The following PCM1 variants were observed in gnomAD, a reference collection of about 807,000 sequenced individuals.
PCM1 encodes the protein pericentriolar material 1 protein.
PCM1 carries 157 observed loss-of-function variants against 241.9 expected under a neutral mutation model. That is an observed-to-expected ratio of 0.65 (90% CI 0.57 to 0.74). The LOEUF is 0.74. Among genes scored for constraint, PCM1 ranks in the 30% least tolerant of loss-of-function variants. The pLI, the probability that PCM1 is intolerant of heterozygous loss-of-function variation, is 0.00. For missense variants in PCM1, 3,478 were observed against 2,360.1 expected (o/e 1.47, Z -9.81); for synonymous variants, 1,085 against 784.9 (o/e 1.38, Z -6.39).
In PCM1 at chr8:17,993,598, A is replaced by G; in HGVS notation, c.4806A>G (p.Lys1602=). ...ACCGGCAAATTAAAGCAATTATGAA[A>G]GAAGTCATTCCTTTTTTGAAGGTAA... ...QLDRQIKAIM[K]EVIPFLKEHM... Residue 1602 remains lysine (K), a synonymous_variant, in exon 29 of 39, where the codon AAA becomes AAG. Coordinates refer to ENST00000325083, the MANE Select transcript of PCM1 (RefSeq NM_006197.4). The G allele has an allele frequency of 6.3e-7, 1 of 1,590,282 alleles. No homozygotes were observed. Among genetic ancestry groups the G allele is most frequent in the Non-Finnish European group, 8.6e-7 (1 of 1,167,384 alleles).
At chr8:17,995,193 T>TA (rs2086244369) in intron 29 of PCM1, among the ~76,000 whole-genome samples, 2 of 151,512 alleles carry the variant, frequency 1.3e-5, no homozygotes, top group Admixed American at 1.3e-4. Context: ...CATTTTGATT[T>TA]GACTTTTGTA....
rs11333913 is a variant in PCM1 at position 18,029,156 on chromosome 8, CAAAAAAAA to C, written c.*1513_*1520del. On this transcript the variant is annotated 3_prime_UTR_variant, in exon 39 of 39. Transcript: ENST00000325083. ...CTGGCAACAGAGCGAGACTCTGTCT[CAAAAAAAA>C]AAAAAAAAAAAAAAAAAAGTTAACT... The C allele has an allele frequency of 1.2e-3, 70 of 56,398 alleles. 2 individuals carry two copies. The highest frequency in any genetic ancestry group is 8.0e-3 in the Admixed American group (28 of 3,496). The allele number at this position is 56,398 out of a possible 1,614,324, so 3.5% of individuals were successfully genotyped here. A position where few individuals can be genotyped will look rare whatever the true frequency, so the allele number is the denominator to read the frequency against.
rs1238446505 is a variant in PCM1, at chr8:17,953,083, A to G, written c.1185A>G (p.Glu395=). 2 of 1,604,270 alleles carry G rather than the reference A, an allele frequency of 1.2e-6. No individual in the cohort carries two copies. The highest frequency in any genetic ancestry group is 1.3e-5 in the African/African-American group (1 of 74,878). The change falls in exon 9 of 39, where the codon GAA becomes GAG. Residue 395 remains glutamate, a synonymous_variant. Transcript: ENST00000325083. ...AACGTTTACCTGATGAGAAAGTCGAACTTTTTAGCAAAATGAGAGTGCTAC... is the reference window on the plus strand; with the variant it reads ...AACGTTTACCTGATGAGAAAGTCGAGCTTTTTAGCAAAATGAGAGTGCTAC... The part of the protein sequence containing the change: ...ASERLPDEKV[E]LFSKMRVLQE...
intron 6 of PCM1, among the ~76,000 whole-genome samples, chr8:17,946,645 C>T (rs1322995073): frequency 6.6e-6 from 1 of 152,030 alleles, no homozygotes; most frequent in East Asian, 1.9e-4. Context: ...AACAGGCGCA[C>T]ACCGCCACAC....
chr8:17,969,854 T>C, intron 22 of PCM1, 106 bp downstream of exon 22: 1 of 835,754 alleles, frequency 1.2e-6, no homozygotes, highest in South Asian at 1.8e-5. Context: ...TGTGATGATT[T>C]GGCTTGATGA....
chr8:18,008,018 G>T (rs909313799), intron 30 of PCM1, among the ~76,000 whole-genome samples: 2 of 152,186 alleles, frequency 1.3e-5, no homozygotes, highest in Non-Finnish European at 2.9e-5. Context: ...CTACTTTAAA[G>T]AGAGTTTATT....
At chr8:17,983,423 ATAATT>A (rs1407178419) in intron 24 of PCM1, 28 of 331,104 alleles carry the variant, frequency 8.5e-5, no homozygotes, top group Non-Finnish European at 1.1e-5. Context: ...ATTGTAAAAG[ATAATT>A]TATATTCATA....
chr8:17,966,952 C>T (rs368383063), intron 20 of PCM1, 28 bp from the exon 21 acceptor site: 2 of 1,562,124 alleles, frequency 1.3e-6, no homozygotes, highest in South Asian at 1.2e-5. Flanking sequence ...ATAACTGATT[C>T]TTAGATTACT....
At chr8:17,992,097 T>C (rs996259547) in intron 28 of PCM1, among the ~76,000 whole-genome samples, 3 of 151,426 alleles carry the variant, frequency 2.0e-5, no homozygotes, top group African/African-American at 7.3e-5. Context: ...TATATCTGTC[T>C]ATCTACACAT....
At position 17,994,366 on chromosome 8, in the gene PCM1, A is replaced by C. The variant is rs531571327; in HGVS notation, c.4827+747A>C. ...ATGTTGTTGCAGATGACAAGGTCTC[A>C]TTATTTTTTATGGCTGAATAGTACT... On this transcript the variant is annotated intron_variant, in intron 29 of 38. Transcript: ENST00000325083. 1.1e-3 allele frequency among the ~76,000 whole-genome samples: 168 copies of C among 152,286 alleles called. 1 individual carries two copies. The highest frequency in any genetic ancestry group is 3.8e-3 in the African/African-American group (160 of 41,568).
At chr8:18,014,466 CT>C in intron 35 of PCM1, 117 bp from the exon 36 acceptor site, 2 of 771,482 alleles carry the variant, frequency 2.6e-6, no homozygotes. Flanking sequence ...GTTGCCTTTT[CT>C]TTTTGGTCTT....
At position 17,953,069 on chromosome 8, in the gene PCM1, G is replaced by A. The variant is rs988174672; in HGVS notation, c.1171G>A (p.Asp391Asn). The stretch of plus-strand genomic sequence containing the variant: ...ACCATCAGCTTCAGAACGTTTACCT[G>A]ATGAGAAAGTCGAACTTTTTAGCAA... ...RKPSASERLPDEKVELFSKMR... is the reference protein window; with the variant it reads ...RKPSASERLPNEKVELFSKMR... Residue 391 changes from aspartate (D) to asparagine (N), a missense_variant, in exon 9 of 39, where the codon GAT becomes AAT. Asp to Asn is a conservative substitution (Grantham distance 23). Coordinates refer to ENST00000325083, the MANE Select transcript of PCM1 (RefSeq NM_006197.4). 6.2e-7 allele frequency: 1 copy of A among 1,606,258 alleles called. No individual in the cohort carries two copies. The highest frequency in any genetic ancestry group is 8.5e-7 in the Non-Finnish European group (1 of 1,175,836).
At chr8:17,946,300 T>C (rs7833140) in intron 6 of PCM1, among the ~76,000 whole-genome samples, 3,006 of 152,232 alleles carry the variant, frequency 0.02, 110 homozygotes, top group African/African-American at 0.069. Context: ...AATGATGCCT[T>C]TGATGACGAA....
At chr8:17,965,577 G>T (rs2074525358) in intron 18 of PCM1, among the ~76,000 whole-genome samples, 2 of 152,180 alleles carry the variant, frequency 1.3e-5, no homozygotes, top group South Asian at 4.1e-4. Flanking sequence ...AAAAGAGTCT[G>T]CCAACAAAGA....
chr8:17,932,306 G>A (rs969829189), intron 2 of PCM1, among the ~76,000 whole-genome samples: 1 of 152,066 alleles, frequency 6.6e-6, no homozygotes, highest in Non-Finnish European at 1.5e-5. Context: ...TAGAGAGGTA[G>A]AATTACTGCG....
At chr8:17,993,374 T>G (rs2085466684) in intron 28 of PCM1, 109 bp from the exon 29 acceptor site, 5 of 704,168 alleles carry the variant, frequency 7.1e-6, no homozygotes, top group Non-Finnish European at 8.7e-6. Flanking sequence ...CTTTGTATTA[T>G]GTTAGCATAA....
chr8:17,991,562 G>T lies in PCM1; in HGVS notation c.4552G>T (p.Asp1518Tyr). The change falls in exon 28 of 39, where the codon GAT (aspartate) becomes TAT (tyrosine). Residue 1518 changes from aspartate (D) to tyrosine (Y), a missense_variant. Coordinates refer to ENST00000325083, the MANE Select transcript of PCM1 (RefSeq NM_006197.4). ...DDLGNTVIHL[D>Y]QALARMREYE... ...TGTAGGTAACACCGTGATTCACTTA[G>T]ATCAAGCATTAGCCAGAATGAGAGA... 1.2e-6 allele frequency: 2 copies of T among 1,602,514 alleles called. No homozygotes were observed. Among genetic ancestry groups the T allele is most frequent in the Non-Finnish European group, 1.7e-6 (2 of 1,174,116 alleles).
intron 1 of PCM1, among the ~76,000 whole-genome samples, chr8:17,924,258 A>C (rs142353573): frequency 1.3e-5 from 2 of 152,166 alleles, no homozygotes; most frequent in Non-Finnish European, 2.9e-5. Flanking sequence ...GAGTTTTTGA[A>C]TTGAAGGTAA....
chr8:18,025,278 C>T, intron 36 of PCM1, 83 bp from the exon 37 acceptor site: 3 of 757,460 alleles, frequency 4.0e-6, no homozygotes, highest in Non-Finnish European at 6.8e-6. Flanking sequence ...GATAGAATTA[C>T]TGAGAAAATA....
Sources: gnomAD v4.1 joint callset for allele counts (sites outside exome capture counted in the v4.1 genomes callset) on GRCh38, gnomAD v4.1.1 for gene constraint, MANE v1.5 for transcripts, NCBI Gene and HGNC (gene_info 2026-07-23, HGNC 2026-07-21) for gene names.